Variants in COX6C observed in about 807,000 individuals in gnomAD.
The protein encoded by COX6C is cytochrome c oxidase polypeptide VIc.
Under a neutral mutation model 6.9 loss-of-function variants are expected in COX6C, and 3 were observed. The ratio of observed to expected loss-of-function variants is 0.43; its 90% confidence interval spans 0.20 to 1.12. COX6C has a LOEUF of 1.12. Among genes scored for constraint, COX6C ranks in the 50% most tolerant of loss-of-function variants. The pLI, the probability that COX6C is intolerant of heterozygous loss-of-function variation, is 0.27. For missense variants in COX6C, 101 were observed against 97.3 expected (o/e 1.04, Z -0.16); for synonymous variants, 32 against 32.0 (o/e 1.00, Z 0.00).
At chr8:99,878,304 ACT>A (rs1283221059) in intron 3 of COX6C, 39 bp from the exon 4 acceptor site, 3 of 152,188 alleles carry the variant, frequency 2.0e-5, no homozygotes, top group African/African-American at 7.2e-5. Context: ...AGAGATAAAC[ACT>A]CTCTCAATAC....
rs761999228 is a variant in COX6C, at chr8:99,887,648, T to C, written c.115-30A>G. On this transcript the variant is annotated intron_variant, in intron 2 of 3. Coordinates refer to ENST00000520468, the MANE Select transcript of COX6C (RefSeq NM_004374.4). ...AAAGCAACCATCCATTAGAGTTTAT[T>C]TTTCAGATTACTGGAAATTAGATTC... The C allele has an allele frequency of 4.1e-6, 6 of 1,450,670 alleles. No homozygotes were observed. In the Admixed American group the frequency reaches 1.3e-4, roughly 31 times the overall value. 89.9% of individuals were successfully genotyped at this position (1,450,670 alleles called of 1,614,324 possible).
At chr8:99,885,328 T>C (rs547747688) in intron 3 of COX6C, among the ~76,000 whole-genome samples, 2 of 152,348 alleles carry the variant, frequency 1.3e-5, no homozygotes, top group East Asian at 1.9e-4. Flanking sequence ...ATCATAGGTA[T>C]GTACGTACAC....
intron 1 of COX6C, among the ~76,000 whole-genome samples, chr8:99,892,557 A>G (rs1348582181): frequency 6.6e-6 from 1 of 152,160 alleles, no homozygotes; most frequent in Non-Finnish European, 1.5e-5. Flanking sequence ...AAAACTCAGA[A>G]AAGATATCAA....
At chr8:99,881,290 G>A (rs1471490978) in intron 3 of COX6C, among the ~76,000 whole-genome samples, 2 of 151,910 alleles carry the variant, frequency 1.3e-5, no homozygotes, top group Non-Finnish European at 1.5e-5. Flanking sequence ...AACCCACGAG[G>A]CGGAAGTTGC....
At position 99,878,044 on chromosome 8, in the gene COX6C, C is replaced by T. The variant is rs957703758; in HGVS notation, c.*237G>A. ...AGAACAATGAAATTTTAACAAAACA[C>T]GGAAATCAAGTTAGCTTCATAAACA... On this transcript the variant is annotated 3_prime_UTR_variant, in exon 4 of 4. Coordinates refer to ENST00000520468, the MANE Select transcript of COX6C (RefSeq NM_004374.4). The T allele has an allele frequency of 6.6e-5, 10 of 152,132 alleles. No individual in the cohort carries two copies. Among genetic ancestry groups the T allele is most frequent in the Admixed American group, 4.6e-4 (7 of 15,278 alleles). The allele number at this position is 152,132 out of a possible 1,614,324, so 9.4% of individuals were successfully genotyped here.
At chr8:99,881,920 G>A (rs1173750620) in intron 3 of COX6C, among the ~76,000 whole-genome samples, 3 of 152,180 alleles carry the variant, frequency 2.0e-5, no homozygotes, top group Non-Finnish European at 4.4e-5. Context: ...CACACATACA[G>A]CAACCAGGAG....
At chr8:99,881,170 G>A (rs551005444) in intron 3 of COX6C, among the ~76,000 whole-genome samples, 6 of 152,282 alleles carry the variant, frequency 3.9e-5, no homozygotes, top group Admixed American at 6.5e-5. Context: ...GACCAGTCTG[G>A]CCAACACGGT....
Position 99,885,338 on chromosome 8 carries a change from C to T in COX6C, c.*15+2152G>A, listed in dbSNP as rs1016293531. 2.0e-5 allele frequency among the ~76,000 whole-genome samples: 3 copies of T among 152,078 alleles called. 1 individual carries two copies. Among genetic ancestry groups the T allele is most frequent in the African/African-American group, 2.4e-5 (1 of 41,394 alleles). On this transcript the variant is annotated intron_variant, in intron 3 of 3. Transcript: ENST00000520468. ...ACGTCATCATAGGTATGTACGTACA[C>T]GAAAAACAACATAATATATACAGGG...
rs1817971233 is a variant in COX6C, at chr8:99,888,091, A to AAAAAAAT, written c.115-480_115-474dup. Among the ~76,000 whole-genome samples, 15 of 150,748 alleles carry AAAAAAAT rather than the reference A, an allele frequency of 1.0e-4. No homozygotes were observed. The South Asian group carries it at 3.2e-3, about 32-fold the overall frequency. ...GGGGGACAGAGCGAGACTCTGTCTC[A>AAAAAAAT]AAAAAATAAAAAATAAAAAAAAATA... On this transcript the variant is annotated intron_variant, in intron 2 of 3. Transcript: ENST00000520468.
chr8:99,883,469 A>ATTTTTT lies in COX6C; in HGVS notation c.*15+4020_*15+4021insAAAAAA, dbSNP rs563313291. 9.9e-4 allele frequency among the ~76,000 whole-genome samples: 141 copies of ATTTTTT among 142,838 alleles called. 1 individual carries two copies. Among genetic ancestry groups the ATTTTTT allele is most frequent in the African/African-American group, 3.8e-3 (137 of 36,508 alleles). 93.7% of individuals were successfully genotyped at this position (142,838 alleles called of 152,430 possible). ...TGTGTGTGTGTATATATATATATAT[A>ATTTTTT]TATTTTTTTTTTGGTAGAGATGGGG... On this transcript the variant is annotated intron_variant, in intron 3 of 3. Transcript: ENST00000520468.
intron 1 of COX6C, chr8:99,893,052 T>C (rs1395118296): frequency 1.3e-5 from 2 of 152,224 alleles, no homozygotes; most frequent in African/African-American, 2.4e-5. Flanking sequence ...GCGTCCCTGC[T>C]GGCCTTCAGC....
intron 2 of COX6C, among the ~76,000 whole-genome samples, chr8:99,890,990 A>G (rs1563529477): frequency 6.6e-6 from 1 of 152,280 alleles, no homozygotes; most frequent in South Asian, 2.1e-4. Flanking sequence ...ATTAGGCATT[A>G]TAAGTAGTCC....
In COX6C at chr8:99,887,548, A is replaced by C; in HGVS notation, c.185T>G (p.Phe62Cys). 6.2e-7 allele frequency: 1 copy of C among 1,610,202 alleles called. No individual in the cohort carries two copies. Among genetic ancestry groups the C allele is most frequent in the Non-Finnish European group, 8.5e-7 (1 of 1,178,644 alleles). Residue 62 changes from phenylalanine to cysteine, a missense_variant, in exon 3 of 4, where the codon TTT becomes TGT. Phe to Cys is a radical substitution (Grantham distance 205). Coordinates refer to ENST00000520468, the MANE Select transcript of COX6C (RefSeq NM_004374.4). ...FYRNYDVMKD[F>C]EEMRKAGIFQ... is the part of the protein sequence containing the mutation. ...GATACCAGCCTTCCTCATCTCCTCA[A>C]AATCTTTCATGACATCGTAGTTTCT... is the stretch of plus-strand genomic sequence containing the variant.
At chr8:99,893,015 A>G (rs1193710961) in intron 1 of COX6C, 1 of 152,232 alleles carries the variant, frequency 6.6e-6, no homozygotes, top group Non-Finnish European at 1.5e-5. Context: ...AGCCTCACCT[A>G]AAGACCTAAG....
chr8:99,887,283 C>A (rs1340227832), intron 3 of COX6C: 21 of 376,898 alleles, frequency 5.6e-5, no homozygotes, highest in Non-Finnish European at 1.4e-5. Context: ...TGGTGCTCCC[C>A]CACATCACAA....
At chr8:99,891,661 C>G (rs117606102) in intron 2 of COX6C, among the ~76,000 whole-genome samples, 1 of 152,186 alleles carries the variant, frequency 6.6e-6, no homozygotes, top group Non-Finnish European at 1.5e-5. Flanking sequence ...ACCCTGCCAA[C>G]AGATTTCTAG....
intron 2 of COX6C, among the ~76,000 whole-genome samples, chr8:99,890,010 C>T (rs1395164346): frequency 6.6e-6 from 1 of 151,698 alleles, no homozygotes; most frequent in Non-Finnish European, 1.5e-5. Context: ...AGGAGAATGG[C>T]GTGAACCCGG....
chr8:99,891,345 G>A (rs114274185), intron 2 of COX6C, among the ~76,000 whole-genome samples: 1,991 of 152,220 alleles, frequency 0.013, 46 homozygotes, highest in African/African-American at 0.046. Flanking sequence ...GAGCCCAGGA[G>A]TTCAAGACCA....
At chr8:99,882,234 A>C (rs1418303080) in intron 3 of COX6C, among the ~76,000 whole-genome samples, 1 of 152,212 alleles carries the variant, frequency 6.6e-6, no homozygotes, top group African/African-American at 2.4e-5. Flanking sequence ...ACTACAAATC[A>C]ACTGGACTTA....
Sources: gnomAD v4.1 joint callset for allele counts (sites outside exome capture counted in the v4.1 genomes callset) on GRCh38, gnomAD v4.1.1 for gene constraint, MANE v1.5 for transcripts, NCBI Gene and HGNC (gene_info 2026-07-23, HGNC 2026-07-21) for gene names.